The following RAPGEF1 variants were observed in gnomAD, a reference collection of about 807,000 sequenced individuals.
The protein encoded by RAPGEF1 is CRK SH3-binding GNRP.
RAPGEF1 carries 33 observed loss-of-function variants against 143.3 expected under a neutral mutation model. The ratio of observed to expected loss-of-function variants is 0.23; its 90% CI spans 0.17 to 0.31. The LOEUF is 0.31. RAPGEF1 is among the 10% of genes least tolerant of loss of function. The pLI, the probability that RAPGEF1 is intolerant of heterozygous loss-of-function variation, is 1.00. For missense variants in RAPGEF1, 1,199 were observed against 1,645.4 expected (o/e 0.73, Z 4.69); for synonymous variants, 629 against 676.5 (o/e 0.93, Z 1.09).
chr9:131,643,147 C>A, intron 4 of RAPGEF1, 92 bp downstream of exon 4: 1 of 1,408,780 alleles, frequency 7.1e-7, no homozygotes, highest in South Asian at 1.5e-5. Context: ...CCTGACTGTT[C>A]CTAGGAACCT....
chr9:131,656,561 T>C (rs139552232), intron 1 of RAPGEF1, among the ~76,000 whole-genome samples: 67 of 151,648 alleles, frequency 4.4e-4, no homozygotes, highest in Non-Finnish European at 9.1e-4. Flanking sequence ...GGTTCTCTGG[T>C]GCTCAAAGAT....
intron 25 of RAPGEF1, among the ~76,000 whole-genome samples, chr9:131,580,636 C>T (rs758058106): frequency 6.6e-5 from 10 of 152,044 alleles, no homozygotes; most frequent in Non-Finnish European, 8.8e-5. Flanking sequence ...GAGGGTGATG[C>T]GGCTGCCATG....
chr9:131,634,468 T>G (rs901300091), intron 5 of RAPGEF1, among the ~76,000 whole-genome samples: 1 of 151,864 alleles, frequency 6.6e-6, no homozygotes, highest in African/African-American at 2.4e-5. Flanking sequence ...ATCCCAGCAC[T>G]TTGGGAGGCC....
rs773851137 is a variant in RAPGEF1 at position 131,650,879 on chromosome 9, C to T, written c.132G>A (p.Lys44=). Residue 44 remains lysine (K), a synonymous_variant, in exon 2 of 27, where the codon AAG becomes AAA. Transcript: ENST00000683357. This position sits in a 1 kb window ranked among gnomAD's most constrained non-coding sequence, Gnocchi z 4.7. ...LMDKFHSPKI[K]RTPSKKGKPA... is the part of the protein sequence containing the mutation. ...GTTTTCCCTTCTTTGATGGCGTTCT[C>T]TTGATTTTGGGTGAGTGGAATTTGT... is the stretch of plus-strand genomic sequence containing the variant. The T allele has an allele frequency of 2.5e-6, 4 of 1,613,944 alleles. No homozygotes were observed. The Admixed American group carries it at 6.7e-5, about 27-fold the overall frequency.
chr9:131,624,505 C>T (rs533773010), intron 10 of RAPGEF1, among the ~76,000 whole-genome samples: 67 of 152,302 alleles, frequency 4.4e-4, no homozygotes, highest in African/African-American at 1.6e-3. Flanking sequence ...GCATGAGGAC[C>T]GCCACCCACA....
At chr9:131,709,332 C>A (rs778014767) in intron 1 of RAPGEF1, among the ~76,000 whole-genome samples, 1 of 152,102 alleles carries the variant, frequency 6.6e-6, no homozygotes, top group Non-Finnish European at 1.5e-5. Flanking sequence ...GGCGACAGAA[C>A]GAGACTCCAT....
chr9:131,599,572 A>G (rs1955923410), intron 15 of RAPGEF1, among the ~76,000 whole-genome samples: 1 of 152,082 alleles, frequency 6.6e-6, no homozygotes, highest in Non-Finnish European at 1.5e-5. Flanking sequence ...GGGTGAGCCG[A>G]GGCTTGCAGT....
intron 1 of RAPGEF1, among the ~76,000 whole-genome samples, chr9:131,708,569 G>A (rs1835258848): frequency 6.6e-6 from 1 of 152,158 alleles, no homozygotes; most frequent in Admixed American, 6.5e-5. Context: ...GGGTGTCCAG[G>A]ATGGATAAAT....
intron 1 of RAPGEF1, among the ~76,000 whole-genome samples, chr9:131,702,897 A>G (rs2131134064): frequency 6.6e-6 from 1 of 152,354 alleles, no homozygotes; most frequent in South Asian, 2.1e-4. Context: ...CATAAAATTA[A>G]AAGAAAAAAA....
intron 1 of RAPGEF1, among the ~76,000 whole-genome samples, chr9:131,719,327 T>C (rs1836087698): frequency 6.6e-6 from 1 of 152,186 alleles, no homozygotes; most frequent in Non-Finnish European, 1.5e-5. Flanking sequence ...CACTGTTGTT[T>C]TTCCCTCGCA....
At chr9:131,662,135 C>A (rs1974275980) in intron 1 of RAPGEF1, among the ~76,000 whole-genome samples, 1 of 152,176 alleles carries the variant, frequency 6.6e-6, no homozygotes, top group Non-Finnish European at 1.5e-5. Flanking sequence ...GGGCCCCACC[C>A]ACCCGGCCTG....
chr9:131,644,816 T>A (rs1169782895), intron 3 of RAPGEF1, among the ~76,000 whole-genome samples: 1 of 151,976 alleles, frequency 6.6e-6, no homozygotes, highest in Non-Finnish European at 1.5e-5. Flanking sequence ...AAATAAAGTT[T>A]AAAAAAAGGT....
chr9:131,674,155 T>G (rs1660788109), intron 1 of RAPGEF1, among the ~76,000 whole-genome samples: 1 of 152,196 alleles, frequency 6.6e-6, no homozygotes, highest in South Asian at 2.1e-4. Context: ...ATATCTAGTT[T>G]CTTTATAATA....
Position 131,587,937 on chromosome 9 carries a change from T to A in RAPGEF1, c.3138+5A>T, listed in dbSNP as rs746961500. 7 of 1,609,234 alleles carry A rather than the reference T, an allele frequency of 4.3e-6. No homozygotes were observed. The highest frequency in any genetic ancestry group is 2.2e-5 in the South Asian group (2 of 90,448). ...GTGGCTCCCCCTGGCAGGAGCAGCCTGTACCTCTATTTTATAGAAGAGCTC... is the reference window on the plus strand; with the variant it reads ...GTGGCTCCCCCTGGCAGGAGCAGCCAGTACCTCTATTTTATAGAAGAGCTC... On this transcript the variant is annotated splice_donor_5th_base_variant and intron_variant, in intron 21 of 26. Coordinates refer to ENST00000683357, the MANE Select transcript of RAPGEF1 (RefSeq NM_001377935.1).
At chr9:131,627,205 C>A (rs1275843479) in intron 9 of RAPGEF1, among the ~76,000 whole-genome samples, 1 of 99,210 alleles carries the variant, frequency 1.0e-5, no homozygotes, top group Admixed American at 1.4e-4. Context: ...CAGAGTGAGG[C>A]TCTGTCTCAA....
At chr9:131,687,317 A>T (rs549413392) in intron 1 of RAPGEF1, among the ~76,000 whole-genome samples, 36 of 151,990 alleles carry the variant, frequency 2.4e-4, no homozygotes, top group African/African-American at 8.4e-4. Flanking sequence ...CAGCCTCCCA[A>T]GTAGCTGGGA....
intron 12 of RAPGEF1, among the ~76,000 whole-genome samples, chr9:131,614,463 C>A (rs553446014): frequency 6.6e-6 from 1 of 152,202 alleles, no homozygotes; most frequent in Non-Finnish European, 1.5e-5. Context: ...CCTTTAGGCC[C>A]GTCAGTGTGC....
intron 3 of RAPGEF1, 150 bp from the exon 4 acceptor site, chr9:131,643,567 G>A: frequency 3.8e-6 from 3 of 794,376 alleles, no homozygotes; most frequent in East Asian, 5.4e-5. Flanking sequence ...ATTTTTCTAA[G>A]GATTGTAATC....
chr9:131,624,793 A>G (rs923248759), intron 10 of RAPGEF1, among the ~76,000 whole-genome samples: 2 of 152,230 alleles, frequency 1.3e-5, no homozygotes, highest in Non-Finnish European at 2.9e-5. Context: ...GAGCAAATAT[A>G]CACGACAGAT....
Sources: allele counts gnomAD v4.1 joint callset (sites outside exome capture counted in the v4.1 genomes callset), GRCh38; gene constraint gnomAD v4.1.1; non-coding constraint Gnocchi (gnomAD v3.1); transcripts MANE v1.5; gene names NCBI Gene and HGNC (gene_info 2026-07-23, HGNC 2026-07-21).